The following AGAP1 variants were observed in gnomAD, a reference collection of about 807,000 sequenced individuals.
AGAP1 encodes the protein ArfGAP with GTPase domain, ankyrin repeat and PH domain 1.
AGAP1 carries 29 observed loss-of-function variants against 105.3 expected under a neutral mutation model. The observed-to-expected ratio is 0.28, with a 90% CI of 0.21 to 0.38. AGAP1 has a LOEUF of 0.38. Ranked by LOEUF, AGAP1 falls within the 10% of genes least tolerant of loss-of-function variation. The pLI, the probability that AGAP1 is intolerant of heterozygous loss-of-function variation, is 1.00. For missense variants in AGAP1, 998 were observed against 1,165.1 expected (o/e 0.86, Z 2.09); for synonymous variants, 509 against 485.9 (o/e 1.05, Z -0.63).
intron 1 of AGAP1, among the ~76,000 whole-genome samples, chr2:235,558,881 A>G (rs776573318): frequency 3.9e-5 from 6 of 152,070 alleles, no homozygotes; most frequent in Non-Finnish European, 8.8e-5. Context: ...AGCCTCAGAC[A>G]TGTCTGTTCT....
intron 13 of AGAP1, among the ~76,000 whole-genome samples, chr2:236,004,449 A>G (rs1454317879): frequency 5.9e-5 from 9 of 152,220 alleles, no homozygotes; most frequent in Non-Finnish European, 1.3e-4. Flanking sequence ...TAGCTGGAGC[A>G]TGGTTCAAGC....
At position 235,959,147 on chromosome 2, in the gene AGAP1, C is replaced by T. The variant is rs1018913122; in HGVS notation, c.1484-9315C>T. On this transcript the variant is annotated intron_variant, in intron 12 of 17. Coordinates refer to ENST00000304032, the MANE Select transcript of AGAP1 (RefSeq NM_001037131.3). This position sits in a 1 kb window ranked among gnomAD's most constrained non-coding sequence, Gnocchi z 7.3. ...TGGCTTTTTTCTCTTAGCCTCTCCC[C>T]TCCCATACTTAACGCCGTCGACAGT... 4.6e-5 allele frequency among the ~76,000 whole-genome samples: 7 copies of T among 152,316 alleles called. No homozygotes were observed. Among genetic ancestry groups the T allele is most frequent in the African/African-American group, 1.4e-4 (6 of 41,576 alleles).
intron 6 of AGAP1, among the ~76,000 whole-genome samples, chr2:235,756,022 C>T (rs1953898486): frequency 6.6e-6 from 1 of 152,208 alleles, no homozygotes; most frequent in South Asian, 2.1e-4. Context: ...TAGGTAGCAA[C>T]AGGGCCCCTT....
intron 1 of AGAP1, among the ~76,000 whole-genome samples, chr2:235,594,476 C>T (rs1945452826): frequency 6.6e-6 from 1 of 152,020 alleles, no homozygotes; most frequent in African/African-American, 2.4e-5. Flanking sequence ...CTTCCTTCCT[C>T]TGATGGGTAG....
chr2:235,730,578 T>C (rs1400401915), intron 3 of AGAP1, among the ~76,000 whole-genome samples: 1 of 151,228 alleles, frequency 6.6e-6, no homozygotes, highest in Non-Finnish European at 1.5e-5. Context: ...ACTCCTGGGT[T>C]CAAGCGATCT....
intron 1 of AGAP1, chr2:235,670,044 C>G: frequency 2.7e-6 from 1 of 372,796 alleles, no homozygotes; most frequent in South Asian, 8.1e-5. Flanking sequence ...CTTGGCCCGG[C>G]GCCCTCCCGG....
chr2:236,047,972 C>T (rs73999432), intron 15 of AGAP1, among the ~76,000 whole-genome samples: 7,978 of 152,198 alleles, frequency 0.052, 674 homozygotes, highest in African/African-American at 0.18. Flanking sequence ...AAATAAAGGA[C>T]TGGCTTTCTG....
At position 236,046,478 on chromosome 2, in the gene AGAP1, T is replaced by C. The variant is rs866220818; in HGVS notation, c.1892-2581T>C. 3.3e-5 allele frequency among the ~76,000 whole-genome samples: 5 copies of C among 152,186 alleles called. No homozygotes were observed. The highest frequency in any genetic ancestry group is 3.4e-3 in the Middle Eastern group (1 of 294). On this transcript the variant is annotated intron_variant, in intron 15 of 17. Coordinates refer to ENST00000304032, the MANE Select transcript of AGAP1 (RefSeq NM_001037131.3). This position sits in a 1 kb window ranked among gnomAD's most constrained non-coding sequence, Gnocchi z 5.2. ...TTATGAGAGGTTGAGAACCTTGTGA[T>C]TGGCTGTGGGAATGATGGAAGAATT...
At chr2:235,544,878 A>G (rs1943571191) in intron 1 of AGAP1, among the ~76,000 whole-genome samples, 4 of 152,168 alleles carry the variant, frequency 2.6e-5, no homozygotes. Context: ...TGTCTTCTCA[A>G]TACTCGAGTA....
chr2:235,504,703 C>T (rs1941717343), intron 1 of AGAP1, among the ~76,000 whole-genome samples: 1 of 152,086 alleles, frequency 6.6e-6, no homozygotes, highest in Non-Finnish European at 1.5e-5. Context: ...GCCCAGCAGC[C>T]CCTATCTGGG....
rs903518838 is a variant in AGAP1 at position 236,126,765 on chromosome 2, C to T, written c.*2643C>T. The T allele has an allele frequency of 1.3e-5, 2 of 151,956 alleles. No individual in the cohort carries two copies. 9.4% of individuals were successfully genotyped at this position (151,956 alleles called of 1,614,324 possible). On this transcript the variant is annotated 3_prime_UTR_variant, in exon 18 of 18. Coordinates refer to ENST00000304032, the MANE Select transcript of AGAP1 (RefSeq NM_001037131.3). ...GGAAAGGCAGTTTTTGAGGGTCTTT[C>T]GAAAAAAAGAAGACGGGGCAGCTTT...
intron 6 of AGAP1, among the ~76,000 whole-genome samples, chr2:235,767,238 A>G (rs1028447368): frequency 1.3e-5 from 2 of 151,386 alleles, no homozygotes; most frequent in African/African-American, 4.8e-5. Flanking sequence ...AGTATAATAA[A>G]TGGACTTATT....
In AGAP1 at chr2:236,089,477, C is replaced by T. The variant is rs976528977; in HGVS notation, c.2115-30715C>T. Among the ~76,000 whole-genome samples, 3 of 152,174 alleles carry T rather than the reference C, an allele frequency of 2.0e-5. No individual in the cohort carries two copies. The highest frequency in any genetic ancestry group is 4.8e-5 in the African/African-American group (2 of 41,444). ...CCGGGTACTGGCAGAAGAGAGTGAG[C>T]GTAGCAACTGGGAGGTGGCCTGATG... On this transcript the variant is annotated intron_variant, in intron 16 of 17. Coordinates refer to ENST00000304032, the MANE Select transcript of AGAP1 (RefSeq NM_001037131.3). This position sits in a 1 kb window ranked among gnomAD's most constrained non-coding sequence, Gnocchi z 5.6.
At position 235,859,223 on chromosome 2, in the gene AGAP1, T is replaced by C. The variant is rs150362191; in HGVS notation, c.1051-24122T>C. Among the ~76,000 whole-genome samples the C allele has an allele frequency of 6.3e-4, 96 of 152,182 alleles. 1 individual carries two copies. The South Asian group carries it at 0.018, about 28-fold the overall frequency. ...CCTTGCATTTTTTTTTTAATACATA[T>C]TGTTTCTTTTGTTAACTCCCTCTCC... On this transcript the variant is annotated intron_variant, in intron 9 of 17. Transcript: ENST00000304032.
At position 236,095,763 on chromosome 2, in the gene AGAP1, T is replaced by C. The variant is rs1380042873; in HGVS notation, c.2115-24429T>C. Among the ~76,000 whole-genome samples, 3 of 152,174 alleles carry C rather than the reference T, an allele frequency of 2.0e-5. No individual in the cohort carries two copies. The highest frequency in any genetic ancestry group is 4.8e-5 in the African/African-American group (2 of 41,428). On this transcript the variant is annotated intron_variant, in intron 16 of 17. Coordinates refer to ENST00000304032, the MANE Select transcript of AGAP1 (RefSeq NM_001037131.3). This position sits in a 1 kb window ranked among gnomAD's most constrained non-coding sequence, Gnocchi z 4.1. ...TTTGACATATGAAGAAGTATATTAG[T>C]TCAGGGCTAGATTATGGATAGTTGC...
chr2:235,594,632 T>C (rs940487106), intron 1 of AGAP1, among the ~76,000 whole-genome samples: 2 of 152,154 alleles, frequency 1.3e-5, no homozygotes, highest in Non-Finnish European at 2.9e-5. Context: ...TGGTGTGCAG[T>C]GATGTGATCT....
At chr2:236,011,779 C>T (rs2056519559) in intron 13 of AGAP1, among the ~76,000 whole-genome samples, 2 of 152,062 alleles carry the variant, frequency 1.3e-5, no homozygotes, top group Admixed American at 1.3e-4. Context: ...TATTGCTAGT[C>T]CCCCTGAAGT....
At chr2:235,568,360 G>T (rs948538323) in intron 1 of AGAP1, among the ~76,000 whole-genome samples, 1 of 152,212 alleles carries the variant, frequency 6.6e-6, no homozygotes, top group African/African-American at 2.4e-5. Context: ...ATGGACGCCC[G>T]TTCTCTTACT....
At chr2:235,538,454 T>TGTGTGTGTGTGTGC (rs1943317305) in intron 1 of AGAP1, among the ~76,000 whole-genome samples, 1 of 151,290 alleles carries the variant, frequency 6.6e-6, no homozygotes, top group African/African-American at 2.5e-5. Context: ...TGTGTGTGTG[T>TGTGTGTGTGTGTGC]GTGTGTGCAT....
Sources: gnomAD v4.1 joint callset for allele counts (sites outside exome capture counted in the v4.1 genomes callset) on GRCh38, gnomAD v4.1.1 for gene constraint, Gnocchi (gnomAD v3.1) non-coding constraint, MANE v1.5 for transcripts, NCBI Gene and HGNC (gene_info 2026-07-23, HGNC 2026-07-21) for gene names.